Variants in TNFSF8 observed in about 807,000 individuals in gnomAD.
TNFSF8 encodes tumor necrosis factor ligand superfamily member 8.
A neutral mutation model predicts 22.0 loss-of-function variants in TNFSF8; 4 were observed. That is an observed-to-expected ratio of 0.18 (90% CI 0.09 to 0.42). The LOEUF (loss-of-function observed/expected upper bound fraction) is 0.42. Ranked by LOEUF, TNFSF8 falls within the 10% of genes least tolerant of loss-of-function variation. The pLI, the probability that TNFSF8 is intolerant of heterozygous loss-of-function variation, is 1.00. For missense variants in TNFSF8, 233 were observed against 281.8 expected, an observed-to-expected ratio of 0.83 and a Z score of 1.24; for synonymous variants, 106 against 112.5, an observed-to-expected ratio of 0.94 and a Z score of 0.37.
rs376452088 is a variant in TNFSF8, at chr9:114,902,036, T to C, written c.*1895A>G. The C allele has an allele frequency of 2.3e-5, 23 of 985,462 alleles. No homozygotes were observed. In the East Asian group the frequency reaches 6.8e-4, roughly 29 times the overall value. The allele number at this position is 985,462 out of a possible 1,614,324, so 61.0% of individuals were successfully genotyped here. The stretch of plus-strand genomic sequence containing the variant: ...GCAAATTTTGCTCCATGTTTTGGTA[T>C]AGCAGGGAAGCTTCCATCTTTTTTT... On this transcript the variant is annotated 3_prime_UTR_variant, in exon 4 of 4. Coordinates refer to ENST00000223795, the MANE Select transcript of TNFSF8 (RefSeq NM_001244.4).
rs201431210 is a variant in TNFSF8 at position 114,930,073 on chromosome 9, C to G, written c.195+36G>C. The stretch of plus-strand genomic sequence containing the variant: ...AGGGCTCTTTCTCTCGGGAAAACAA[C>G]AAGAAAAGGAAAGGGAGGAAGAGGA... On this transcript the variant is annotated intron_variant, in intron 1 of 3. Transcript: ENST00000223795. The G allele has an allele frequency of 7.8e-6, 11 of 1,409,524 alleles. No homozygotes were observed. In the South Asian group the frequency reaches 8.3e-5, roughly 11 times the overall value. 87.3% of individuals were successfully genotyped at this position (1,409,524 alleles called of 1,614,324 possible).
At position 114,904,316 on chromosome 9, in the gene TNFSF8, T is replaced by G. The variant is rs1184997426; in HGVS notation, c.320A>C (p.His107Pro). Residue 107 changes from histidine (H) to proline (P), a missense_variant, in exon 4 of 4, where the codon CAT (histidine) becomes CCT (proline). Coordinates refer to ENST00000223795, the MANE Select transcript of TNFSF8 (RefSeq NM_001244.4). ...CCAAGACAACTTGGTTTTGTTTAGATGCTTTGCCACTAGAAAGAGAAGTAT... is the reference window on the plus strand; with the variant it reads ...CCAAGACAACTTGGTTTTGTTTAGAGGCTTTGCCACTAGAAAGAGAAGTAT... ...KSWAYLQVAK[H>P]LNKTKLSWNK... 1 of 1,603,406 alleles carries G rather than the reference T, an allele frequency of 6.2e-7. No homozygotes were observed. The highest frequency in any genetic ancestry group is 2.2e-5 in the East Asian group (1 of 44,730).
chr9:114,904,375 G>T (rs138061600), intron 3 of TNFSF8, 50 bp from the exon 4 acceptor site: 10 of 1,533,098 alleles, frequency 6.5e-6, no homozygotes, highest in Non-Finnish European at 8.7e-6. Flanking sequence ...TTGTAGGTAC[G>T]CATTGCAAAA....
intron 2 of TNFSF8, among the ~76,000 whole-genome samples, chr9:114,912,747 A>T (rs1260946444): frequency 1.3e-5 from 2 of 152,218 alleles, no homozygotes; most frequent in African/African-American, 4.8e-5. Context: ...GTTGGGTCTT[A>T]GTGAGAACCT....
chr9:114,920,830 G>A (rs778993274), intron 1 of TNFSF8, among the ~76,000 whole-genome samples: 1 of 151,936 alleles, frequency 6.6e-6, no homozygotes, highest in African/African-American at 2.4e-5. Context: ...CACCACCCCC[G>A]GCTAATTTTT....
Position 114,903,824 on chromosome 9 carries a change from T to G in TNFSF8, c.*107A>C, listed in dbSNP as rs914324244. 5.2e-5 allele frequency: 79 copies of G among 1,507,996 alleles called. 1 individual carries two copies. The highest frequency in any genetic ancestry group is 6.1e-5 in the Non-Finnish European group (69 of 1,136,156). 93.4% of individuals were successfully genotyped at this position (1,507,996 alleles called of 1,614,324 possible). ...AGGAGAAGTATACTATTTAATACCC[T>G]GTGTAGTTTGTCTTGGTCTAAAGTT... On this transcript the variant is annotated 3_prime_UTR_variant, in exon 4 of 4. Transcript: ENST00000223795.
At chr9:114,897,663 C>G (rs1827670476), downstream of TNFSF8, among the ~76,000 whole-genome samples, 1 of 151,968 alleles carries the variant, frequency 6.6e-6, no homozygotes, top group South Asian at 2.1e-4. Context: ...CAGGAGTATC[C>G]TAGGCAGAAG....
chr9:114,919,669 A>G (rs944309734), intron 1 of TNFSF8, among the ~76,000 whole-genome samples: 5 of 152,212 alleles, frequency 3.3e-5, no homozygotes, highest in African/African-American at 1.2e-4. Flanking sequence ...GTGTATGCGA[A>G]AAAACCAACT....
intron 2 of TNFSF8, 26 bp downstream of exon 2, chr9:114,918,070 A>T: frequency 1.3e-6 from 2 of 1,593,882 alleles, no homozygotes; most frequent in Non-Finnish European, 1.7e-6. Flanking sequence ...CTTACTACAC[A>T]TTTACACCTA....
downstream of TNFSF8, among the ~76,000 whole-genome samples, chr9:114,897,022 C>A (rs1185373814): frequency 6.6e-6 from 1 of 152,160 alleles, no homozygotes; most frequent in Non-Finnish European, 1.5e-5. Flanking sequence ...CCTGCCTCAG[C>A]CTCCCGAGTA....
At chr9:114,910,456 G>A (rs1052300282) in intron 2 of TNFSF8, among the ~76,000 whole-genome samples, 2 of 152,184 alleles carry the variant, frequency 1.3e-5, no homozygotes, top group Non-Finnish European at 2.9e-5. Flanking sequence ...GTGGAGCTGG[G>A]TTCAGAACAC....
In TNFSF8 at chr9:114,930,196, G is replaced by A. The variant is rs1253307546; in HGVS notation, c.108C>T (p.Arg36=). The A allele has an allele frequency of 2.5e-6, 4 of 1,605,312 alleles. No homozygotes were observed. Among genetic ancestry groups the A allele is most frequent in the South Asian group, 1.1e-5 (1 of 90,022 alleles). ...SVASHLGTTS[R]SYFYLTTATL... Reference sequence around the variant, plus strand: ...TGGCTGTGGTCAAATAGAAATAGCTGCGGCTCGTGGTCCCCAGGTGGCTGG... The same window carrying A: ...TGGCTGTGGTCAAATAGAAATAGCTACGGCTCGTGGTCCCCAGGTGGCTGG... The change falls in exon 1 of 4, where the codon CGC becomes CGT. Residue 36 remains arginine (R), a synonymous_variant. Transcript: ENST00000223795.
chr9:114,912,001 G>C lies in TNFSF8; in HGVS notation c.238+6095C>G, dbSNP rs1427297864. 2.0e-5 allele frequency among the ~76,000 whole-genome samples: 3 copies of C among 152,116 alleles called. No homozygotes were observed. The South Asian group carries it at 6.2e-4, about 32-fold the overall frequency. ...CTTAATAAAAAAACACTCCCTACCT[G>C]TTCAAAATGCAAAAGTATGGCAGCA... On this transcript the variant is annotated intron_variant, in intron 2 of 3. Transcript: ENST00000223795.
In TNFSF8 at chr9:114,903,847, G is replaced by A. The variant is rs761891616; in HGVS notation, c.*84C>T. 123 of 1,518,862 alleles carry A rather than the reference G, an allele frequency of 8.1e-5. No homozygotes were observed. Among genetic ancestry groups the A allele is most frequent in the Non-Finnish European group, 9.8e-5 (112 of 1,139,626 alleles). 94.1% of individuals were successfully genotyped at this position (1,518,862 alleles called of 1,614,324 possible). On this transcript the variant is annotated 3_prime_UTR_variant, in exon 4 of 4. Transcript: ENST00000223795. ...CCTGTGTAGTTTGTCTTGGTCTAAAGTTTTCTTTTTGCCCAAGTGTTTGGA... is the reference window on the plus strand; with the variant it reads ...CCTGTGTAGTTTGTCTTGGTCTAAAATTTTCTTTTTGCCCAAGTGTTTGGA...
At chr9:114,923,674 C>T (rs759784739) in intron 1 of TNFSF8, among the ~76,000 whole-genome samples, 19 of 151,976 alleles carry the variant, frequency 1.3e-4, no homozygotes. Context: ...TGTGCCACCA[C>T]ATCCGGCTAA....
intron 3 of TNFSF8, among the ~76,000 whole-genome samples, chr9:114,905,220 T>C (rs1006340086): frequency 6.6e-5 from 10 of 152,250 alleles, no homozygotes; most frequent in Non-Finnish European, 1.5e-4. Flanking sequence ...CAAAATTGAA[T>C]TTTTAAAATG....
downstream of TNFSF8, among the ~76,000 whole-genome samples, chr9:114,896,644 A>G (rs1827657820): frequency 6.6e-6 from 1 of 152,204 alleles, no homozygotes; most frequent in East Asian, 1.9e-4. Context: ...AAAACTTAAA[A>G]AACTTTCTAA....
intron 2 of TNFSF8, among the ~76,000 whole-genome samples, chr9:114,906,474 C>G (rs142442449): frequency 3.3e-5 from 5 of 152,260 alleles, no homozygotes; most frequent in African/African-American, 1.2e-4. Context: ...ACTTTGATGC[C>G]TAGAGGTGGT....
intron 1 of TNFSF8, among the ~76,000 whole-genome samples, chr9:114,923,907 A>G (rs1032793482): frequency 6.6e-6 from 1 of 152,108 alleles, no homozygotes; most frequent in African/African-American, 2.4e-5. Flanking sequence ...CCTATAGTCA[A>G]AAAAAATGGG....
Sources: gnomAD v4.1 joint callset for allele counts (sites outside exome capture counted in the v4.1 genomes callset) on GRCh38, gnomAD v4.1.1 for gene constraint, MANE v1.5 for transcripts, NCBI Gene and HGNC (gene_info 2026-07-23, HGNC 2026-07-21) for gene names.